Variants in RAB36 observed in about 807,000 individuals in gnomAD.
RAB36 encodes the protein RAB36, member RAS oncogene family.
In RAB36, 33 loss-of-function variants were observed where a neutral mutation model predicts 39.3. That is an observed-to-expected ratio of 0.84 (90% CI 0.64 to 1.12). The LOEUF (loss-of-function observed/expected upper bound fraction) is 1.12, where lower values mean the gene tolerates loss of function less well. RAB36 is among the 50% of genes most tolerant of loss of function. RAB36 has a pLI of 0.00. For synonymous variants in RAB36, 133 were observed against 140.2 expected, an observed-to-expected ratio of 0.95 and a Z score of 0.36; for missense variants, 308 against 355.3, an observed-to-expected ratio of 0.87 and a Z score of 1.07.
At chr22:23,153,682 C>G (rs1159952945) in intron 5 of RAB36, 2 of 692,390 alleles carry the variant, frequency 2.9e-6, no homozygotes, top group Non-Finnish European at 3.5e-6. Flanking sequence ...CACTTTCCTT[C>G]CACTTCTGTC....
chr22:23,150,553 G>A (rs564903936), intron 3 of RAB36, among the ~76,000 whole-genome samples: 3 of 151,748 alleles, frequency 2.0e-5, no homozygotes, highest in East Asian at 1.9e-4. Context: ...AGCCTGCCTC[G>A]GCCTCCCAAA....
intron 2 of RAB36, among the ~76,000 whole-genome samples, chr22:23,148,109 T>G (rs1366937042): frequency 6.6e-6 from 1 of 152,030 alleles, no homozygotes; most frequent in Non-Finnish European, 1.5e-5. Flanking sequence ...GAGGAGGAGG[T>G]GACTCTAGAC....
chr22:23,164,773 G>A lies in RAB36; in HGVS notation c.*3209G>A, dbSNP rs1055562245. Among the ~76,000 whole-genome samples the A allele has an allele frequency of 2.6e-5, 4 of 152,096 alleles. No individual in the cohort carries two copies. Among genetic ancestry groups the A allele is most frequent in the South Asian group, 2.1e-4 (1 of 4,816 alleles). On this transcript the variant is annotated 3_prime_UTR_variant, in exon 11 of 11. Transcript: ENST00000263116. Reference sequence around the variant, plus strand: ...TCTCTGTCCATCTGTGTGTCCTTCCGTTCACCTGTCTCTTCTGCTGGAGAC... The same window carrying A: ...TCTCTGTCCATCTGTGTGTCCTTCCATTCACCTGTCTCTTCTGCTGGAGAC...
rs899006881 is a variant in RAB36, at chr22:23,153,151, C to T, written c.329+17C>T. The T allele has an allele frequency of 6.9e-6, 11 of 1,600,806 alleles. No homozygotes were observed. The highest frequency in any genetic ancestry group is 5.5e-5 in the South Asian group (5 of 90,834). On this transcript the variant is annotated intron_variant, in intron 5 of 10. Coordinates refer to ENST00000263116, the MANE Select transcript of RAB36 (RefSeq NM_004914.5). Reference sequence around the variant, plus strand: ...CCTCCAGATGTAAGTTGCTGGTTCCCCCATGGCTCGTGGGCAGCTTCCTAC... The same window carrying T: ...CCTCCAGATGTAAGTTGCTGGTTCCTCCATGGCTCGTGGGCAGCTTCCTAC...
chr22:23,152,951 A>G, intron 4 of RAB36, 82 bp from the exon 5 acceptor site: 3 of 998,726 alleles, frequency 3.0e-6, no homozygotes, highest in Non-Finnish European at 4.7e-6. Context: ...TTATTTGCCT[A>G]AAGACTTGCA....
Position 23,162,968 on chromosome 22 carries a change from A to C in RAB36, c.*1404A>C. The stretch of plus-strand genomic sequence containing the variant: ...CCCTTGTTGCCCAGGCTGGAGTGCA[A>C]TGGCGTAATCTCGGCTCAGTGCAAC... On this transcript the variant is annotated 3_prime_UTR_variant, in exon 11 of 11. Coordinates refer to ENST00000263116, the MANE Select transcript of RAB36 (RefSeq NM_004914.5). 1 of 338,080 alleles carries C rather than the reference A, an allele frequency of 3.0e-6. No homozygotes were observed. Among genetic ancestry groups the C allele is most frequent in the Non-Finnish European group, 5.8e-6 (1 of 172,262 alleles). The allele number at this position is 338,080 out of a possible 1,614,324, so 20.9% of individuals were successfully genotyped here. A position where few individuals can be genotyped will look rare whatever the true frequency, so the allele number is the denominator to read the frequency against.
downstream of RAB36, among the ~76,000 whole-genome samples, chr22:23,166,146 TTAA>T (rs1341978622): frequency 1.5e-4 from 12 of 82,176 alleles, no homozygotes; most frequent in African/African-American, 3.4e-4. Context: ...ACTCTGTCTT[TTAA>T]AAAAAAAAAA....
At chr22:23,158,310 TA>T (rs1480296989) in intron 7 of RAB36, among the ~76,000 whole-genome samples, 2 of 152,236 alleles carry the variant, frequency 1.3e-5, no homozygotes, top group East Asian at 3.9e-4. Context: ...CAACCTGCTT[TA>T]ATACACTGCC....
chr22:23,152,580 ACCTTTG>A lies in RAB36; in HGVS notation c.227+58_227+63del, dbSNP rs1233654503. 5.1e-6 allele frequency: 8 copies of A among 1,554,238 alleles called. No homozygotes were observed. In the African/African-American group the frequency reaches 1.1e-4, roughly 21 times the overall value. On this transcript the variant is annotated intron_variant, in intron 4 of 10. Transcript: ENST00000263116. ...ACCTCCCCCAGCACCAGGTTGTCAT[ACCTTTG>A]CCTGGGTGGCCCAGATAATATCAAC... is the stretch of plus-strand genomic sequence containing the variant.
At chr22:23,147,736 A>C (rs2070874421) in intron 2 of RAB36, among the ~76,000 whole-genome samples, 1 of 152,240 alleles carries the variant, frequency 6.6e-6, no homozygotes, top group Non-Finnish European at 1.5e-5. Context: ...AGAAGATAAG[A>C]TACAACGTAA....
chr22:23,154,181 G>C (rs937633230), intron 5 of RAB36, among the ~76,000 whole-genome samples: 1 of 151,840 alleles, frequency 6.6e-6, no homozygotes, highest in Non-Finnish European at 1.5e-5. Flanking sequence ...GCCTGGGCTC[G>C]GGCCCTCACC....
Position 23,163,092 on chromosome 22 carries a change from G to A in RAB36, c.*1528G>A, listed in dbSNP as rs1368395996. The A allele has an allele frequency of 2.2e-5, 5 of 230,798 alleles. No homozygotes were observed. The highest frequency in any genetic ancestry group is 3.4e-5 in the Non-Finnish European group (4 of 116,060). The allele number at this position is 230,798 out of a possible 1,614,324, so 14.3% of individuals were successfully genotyped here. Reference sequence around the variant, plus strand: ...ATGCCTGGCTAATTTTGTATTTTTAGTAGAGATGGGGTTTCTCCATGTTGG... The same window carrying A: ...ATGCCTGGCTAATTTTGTATTTTTAATAGAGATGGGGTTTCTCCATGTTGG... On this transcript the variant is annotated 3_prime_UTR_variant, in exon 11 of 11. Coordinates refer to ENST00000263116, the MANE Select transcript of RAB36 (RefSeq NM_004914.5).
At chr22:23,151,356 C>T (rs2071113028) in intron 3 of RAB36, among the ~76,000 whole-genome samples, 1 of 152,186 alleles carries the variant, frequency 6.6e-6, no homozygotes, top group African/African-American at 2.4e-5. Flanking sequence ...AACACCTTTA[C>T]TCATTCATAG....
chr22:23,151,091 C>T (rs1254037813), intron 3 of RAB36, among the ~76,000 whole-genome samples: 1 of 152,218 alleles, frequency 6.6e-6, no homozygotes, highest in African/African-American at 2.4e-5. Flanking sequence ...TGGCTGAGCT[C>T]ACAGGGGTCA....
chr22:23,156,101 G>C (rs939061705), intron 6 of RAB36, 69 bp downstream of exon 6: 1 of 1,417,304 alleles, frequency 7.1e-7, no homozygotes, highest in Middle Eastern at 1.8e-4. Flanking sequence ...TCCACAGTGG[G>C]AATCCCGAGT....
Position 23,164,686 on chromosome 22 carries a change from C to G in RAB36, c.*3122C>G, listed in dbSNP as rs184063817. ...AAGGTGCGGCAATGACCACAGTGAC[C>G]GCGTCCAAGTGCTGCCGAAACGCCT... On this transcript the variant is annotated 3_prime_UTR_variant, in exon 11 of 11. Transcript: ENST00000263116. Among the ~76,000 whole-genome samples the G allele has an allele frequency of 2.3e-4, 35 of 152,270 alleles. No individual in the cohort carries two copies. In the East Asian group the frequency reaches 2.9e-3, roughly 13 times the overall value.
chr22:23,162,407 C>G lies in RAB36; in HGVS notation c.*843C>G. On this transcript the variant is annotated 3_prime_UTR_variant, in exon 11 of 11. Transcript: ENST00000263116. ...CCCTTGAACATGGCACTGCCCTCCTCTGGCACTCATGCTGGGCCTGTGCCC... is the reference window on the plus strand; with the variant it reads ...CCCTTGAACATGGCACTGCCCTCCTGTGGCACTCATGCTGGGCCTGTGCCC... 2.8e-6 allele frequency: 1 copy of G among 351,502 alleles called. No homozygotes were observed. Among genetic ancestry groups the G allele is most frequent in the South Asian group, 2.1e-5 (1 of 46,954 alleles). 21.8% of individuals were successfully genotyped at this position (351,502 alleles called of 1,614,324 possible). A position where few individuals can be genotyped will look rare whatever the true frequency, so the allele number is the denominator to read the frequency against.
Position 23,162,914 on chromosome 22 carries a change from C to CTTT in RAB36, c.*1362_*1364dup, listed in dbSNP as rs5844548. Reference sequence around the variant, plus strand: ...TTTTTGTAGTTTTTTATATAAATGACTTTTTTTTTTTTTTGAGATGGAGTT... The same window carrying CTTT: ...TTTTTGTAGTTTTTTATATAAATGACTTTTTTTTTTTTTTTTTGAGATGGAGTT... On this transcript the variant is annotated 3_prime_UTR_variant, in exon 11 of 11. Transcript: ENST00000263116. 376 of 303,562 alleles carry CTTT rather than the reference C, an allele frequency of 1.2e-3. 1 individual carries two copies. The highest frequency in any genetic ancestry group is 5.4e-3 in the African/African-American group (231 of 42,970). 18.8% of individuals were successfully genotyped at this position (303,562 alleles called of 1,614,324 possible).
intron 3 of RAB36, among the ~76,000 whole-genome samples, chr22:23,151,301 G>T (rs1255958326): frequency 6.6e-6 from 1 of 152,244 alleles, no homozygotes; most frequent in Non-Finnish European, 1.5e-5. Context: ...AGCACTGGAG[G>T]TGGGGAAACT....
Sources: gnomAD v4.1 joint callset for allele counts (sites outside exome capture counted in the v4.1 genomes callset) on GRCh38, gnomAD v4.1.1 for gene constraint, MANE v1.5 for transcripts, NCBI Gene and HGNC (gene_info 2026-07-23, HGNC 2026-07-21) for gene names.